Variants in GAL3ST1 observed in about 807,000 individuals in gnomAD.
GAL3ST1 encodes the protein galactosylceramide sulfotransferase.
In GAL3ST1, 13 loss-of-function variants were observed where a neutral mutation model predicts 25.0. The observed-to-expected ratio is 0.52, with a 90% CI of 0.34 to 0.83. The LOEUF (loss-of-function observed/expected upper bound fraction) is 0.83, where lower values mean the gene tolerates loss of function less well. Ranked by LOEUF, GAL3ST1 falls within the 40% of genes least tolerant of loss-of-function variation. The probability of loss-of-function intolerance (pLI) is 0.02; values close to 1 mark genes in which losing one functional copy is unlikely to be tolerated. For missense variants in GAL3ST1, 474 were observed against 613.6 expected (o/e 0.77, Z 2.40); for synonymous variants, 274 against 277.8 (o/e 0.99, Z 0.14).
At chr22:30,562,883 G>A (rs369887242) in intron 1 of GAL3ST1, among the ~76,000 whole-genome samples, 6 of 152,328 alleles carry the variant, frequency 3.9e-5, no homozygotes, top group Admixed American at 6.5e-5. Flanking sequence ...TTGGGAGGCC[G>A]AGACAGGCAG....
At position 30,574,492 on chromosome 22, in the gene GAL3ST1, C is replaced by T. The variant is rs968669062; in HGVS notation, c.-146G>A. The T allele has an allele frequency of 6.6e-6, 1 of 150,806 alleles. No individual in the cohort carries two copies. Among genetic ancestry groups the T allele is most frequent in the Non-Finnish European group, 1.5e-5 (1 of 67,616 alleles). 9.3% of individuals were successfully genotyped at this position (150,806 alleles called of 1,614,324 possible). A position where few individuals can be genotyped will look rare whatever the true frequency, so the allele number is the denominator to read the frequency against. On this transcript the variant is annotated 5_prime_UTR_variant, in exon 1 of 4. Coordinates refer to ENST00000406361, the MANE Select transcript of GAL3ST1 (RefSeq NM_001318104.2). ...TTGTCCCCGTCCTCCTCCGCCTCAG[C>T]GTGGCTGGCTCGGCCCGGGCCGCGC...
At chr22:30,561,444 C>A (rs371496910) in intron 1 of GAL3ST1, among the ~76,000 whole-genome samples, 144 of 152,364 alleles carry the variant, frequency 9.5e-4, no homozygotes, top group African/African-American at 3.3e-3. Flanking sequence ...CACCCCCCAC[C>A]CTGCTGTCAC....
chr22:30,559,294 G>C (rs1429149325), intron 1 of GAL3ST1, among the ~76,000 whole-genome samples: 2 of 152,110 alleles, frequency 1.3e-5, no homozygotes, highest in African/African-American at 2.4e-5. Context: ...AGGCTGGAGT[G>C]CTGTGGCGCA....
rs776670722 is a variant in GAL3ST1, at chr22:30,555,375, A to T, written c.850T>A (p.Ser284Thr). ...TCCCCCGAGAGCCGCGGCACGGGCGAGTCGCGGCGGGCGTTGAGCTTGAAG... is the reference window on the plus strand; with the variant it reads ...TCCCCCGAGAGCCGCGGCACGGGCGTGTCGCGGCGGGCGTTGAGCTTGAAG... ...LYFKLNARRD[S>T]PVPRLSGELY... Residue 284 changes from serine (S) to threonine (T), a missense_variant, in exon 4 of 4, where the codon TCG (serine) becomes ACG (threonine). By Grantham distance (58) the Ser-to-Thr change is moderately conservative. Transcript: ENST00000406361. This position sits in a 1 kb window ranked among gnomAD's most constrained non-coding sequence, Gnocchi z 8.6. The T allele has an allele frequency of 6.2e-7, 1 of 1,608,358 alleles. No homozygotes were observed. Among genetic ancestry groups the T allele is most frequent in the South Asian group, 1.1e-5 (1 of 91,064 alleles).
In GAL3ST1 at chr22:30,555,721, G is replaced by C. The variant is rs1231757569; in HGVS notation, c.504C>G (p.Arg168=). The stretch of plus-strand genomic sequence containing the variant: ...AGTAGTGGAAGGAGGACTCGAACAA[G>C]CGGGCGGGGTCGCGGAGCACCGTGA... The part of the protein sequence containing the change: ...IFITVLRDPA[R]LFESSFHYFG... Residue 168 remains arginine, a synonymous_variant, in exon 4 of 4, where the codon CGC becomes CGG. Coordinates refer to ENST00000406361, the MANE Select transcript of GAL3ST1 (RefSeq NM_001318104.2). The surrounding 1 kb of genome is among the most constrained non-coding windows in gnomAD (Gnocchi z 8.6). 4 of 1,614,048 alleles carry C rather than the reference G, an allele frequency of 2.5e-6. No homozygotes were observed. The highest frequency in any genetic ancestry group is 3.4e-6 in the Non-Finnish European group (4 of 1,180,042).
chr22:30,570,577 A>C, intron 1 of GAL3ST1, among the ~76,000 whole-genome samples: 1 of 152,172 alleles, frequency 6.6e-6, no homozygotes, highest in Non-Finnish European at 1.5e-5. Context: ...CGGGTGGATC[A>C]CCTGAGGTCG....
chr22:30,559,107 A>G (rs5994319), intron 1 of GAL3ST1, among the ~76,000 whole-genome samples: 17,041 of 152,010 alleles, frequency 0.11, 962 homozygotes, highest in Middle Eastern at 0.17. Context: ...GCAGTGAGCC[A>G]AGATGGTGCC....
chr22:30,574,099 G>C (rs2086843597), intron 1 of GAL3ST1, among the ~76,000 whole-genome samples: 1 of 152,142 alleles, frequency 6.6e-6, no homozygotes, highest in Non-Finnish European at 1.5e-5. Flanking sequence ...CTCCCCTAGG[G>C]CTCTGGCCAC....
intron 3 of GAL3ST1, 51 bp downstream of exon 3, chr22:30,557,211 T>A: frequency 6.3e-7 from 1 of 1,590,162 alleles, no homozygotes; most frequent in African/African-American, 1.3e-5. Context: ...ATGGGTGGGG[T>A]GCCATCCCTC....
intron 1 of GAL3ST1, chr22:30,564,767 C>T (rs5994320): frequency 1.3e-5 from 2 of 152,170 alleles, no homozygotes; most frequent in African/African-American, 4.8e-5. Context: ...CCAGTCAGGT[C>T]TCAGGGTATC....
chr22:30,568,255 G>A (rs1023296167), intron 1 of GAL3ST1, among the ~76,000 whole-genome samples: 2 of 152,226 alleles, frequency 1.3e-5, no homozygotes, highest in East Asian at 1.9e-4. Context: ...AAGCTGTTGT[G>A]TGGTCTCCAA....
Position 30,555,774 on chromosome 22 carries a change from C to A in GAL3ST1, c.451G>T (p.Gly151Cys). 2.5e-6 allele frequency: 4 copies of A among 1,614,124 alleles called. No homozygotes were observed. In the South Asian group the frequency reaches 4.4e-5, roughly 18 times the overall value. Residue 151 changes from glycine to cysteine, a missense_variant, in exon 4 of 4, where the codon GGC becomes TGC. Gly to Cys is a radical substitution (Grantham distance 159, BLOSUM62 -3). Coordinates refer to ENST00000406361, the MANE Select transcript of GAL3ST1 (RefSeq NM_001318104.2). The surrounding 1 kb of genome is among the most constrained non-coding windows in gnomAD (Gnocchi z 8.6). Reference sequence around the variant, plus strand: ...AAGATGGCGTTGGTCGGCACCAGGCCGCGCACCTCGTCGTAGTGGAAGCGC... The same window carrying A: ...AAGATGGCGTTGGTCGGCACCAGGCAGCGCACCTCGTCGTAGTGGAAGCGC... ...HMRFHYDEVR[G>C]LVPTNAIFIT...
At chr22:30,559,906 C>T (rs2086283258) in intron 1 of GAL3ST1, among the ~76,000 whole-genome samples, 2 of 152,354 alleles carry the variant, frequency 1.3e-5, no homozygotes, top group Admixed American at 6.5e-5. Context: ...CTGCACTGCG[C>T]CCTGGGCCCC....
intron 1 of GAL3ST1, among the ~76,000 whole-genome samples, chr22:30,567,760 T>C (rs1328345050): frequency 2.0e-5 from 3 of 152,138 alleles, no homozygotes; most frequent in African/African-American, 7.2e-5. Flanking sequence ...CTCGGCCCAC[T>C]GCAACCTCTG....
chr22:30,560,676 G>C (rs912464373), intron 1 of GAL3ST1: 1 of 152,072 alleles, frequency 6.6e-6, no homozygotes, highest in African/African-American at 2.4e-5. Context: ...GGAGGGATTA[G>C]GATTCCTGTG....
Position 30,555,958 on chromosome 22 carries a change from G to A in GAL3ST1, c.267C>T (p.Ser89=), listed in dbSNP as rs533898488. 2.0e-5 allele frequency: 33 copies of A among 1,614,006 alleles called. No homozygotes were observed. The highest frequency in any genetic ancestry group is 5.9e-6 in the Non-Finnish European group (7 of 1,180,008). The part of the protein sequence containing the change: ...VFLKTHKTAS[S]TLLNILFRFG... ...AGCGGAACAGGATGTTGAGCAGGGT[G>A]CTGCTGGCCGTCTTGTGCGTCTTCA... Residue 89 remains serine, a synonymous_variant, in exon 4 of 4, where the codon AGC becomes AGT. Transcript: ENST00000406361. This position sits in a 1 kb window ranked among gnomAD's most constrained non-coding sequence, Gnocchi z 8.6.
intron 1 of GAL3ST1, chr22:30,563,418 C>G (rs1307736850): frequency 6.6e-6 from 1 of 152,026 alleles, no homozygotes. Context: ...GAGTTTGAGG[C>G]CAGCCTGACC....
chr22:30,555,436 C>T lies in GAL3ST1; in HGVS notation c.789G>A (p.Lys263=). 6.2e-7 allele frequency: 1 copy of T among 1,612,288 alleles called. No individual in the cohort carries two copies. The highest frequency in any genetic ancestry group is 2.2e-5 in the East Asian group (1 of 44,884). Residue 263 remains lysine, a synonymous_variant, in exon 4 of 4, where the codon AAG becomes AAA. Coordinates refer to ENST00000406361, the MANE Select transcript of GAL3ST1 (RefSeq NM_001318104.2). This position sits in a 1 kb window ranked among gnomAD's most constrained non-coding sequence, Gnocchi z 8.6. ...CCTCCAGCTCCCAGCACAGCAGGTCCTTCAGCAGCACCAGCGACTCGTCGA... is the reference window on the plus strand; with the variant it reads ...CCTCCAGCTCCCAGCACAGCAGGTCTTTCAGCAGCACCAGCGACTCGTCGA... The part of the protein sequence containing the change: ...EYFDESLVLL[K]DLLCWELEDV...
At position 30,555,997 on chromosome 22, in the gene GAL3ST1, G is replaced by A. The variant is rs199784323; in HGVS notation, c.228C>T (p.Arg76=). The change falls in exon 4 of 4, where the codon CGC becomes CGT. Residue 76 remains arginine (R), a synonymous_variant. Coordinates refer to ENST00000406361, the MANE Select transcript of GAL3ST1 (RefSeq NM_001318104.2). This position sits in a 1 kb window ranked among gnomAD's most constrained non-coding sequence, Gnocchi z 8.6. The part of the protein sequence containing the change: ...NGSAGECQPR[R]NIVFLKTHKT... ...TGTGCGTCTTCAAGAACACGATGTT[G>A]CGCCGCGGCTGGCACTCCCCCGCCG... 6.2e-7 allele frequency: 1 copy of A among 1,612,512 alleles called. No homozygotes were observed. The highest frequency in any genetic ancestry group is 8.5e-7 in the Non-Finnish European group (1 of 1,179,968).
Sources: gnomAD v4.1 joint callset for allele counts (sites outside exome capture counted in the v4.1 genomes callset) on GRCh38, gnomAD v4.1.1 for gene constraint, Gnocchi (gnomAD v3.1) non-coding constraint, MANE v1.5 for transcripts, NCBI Gene and HGNC (gene_info 2026-07-23, HGNC 2026-07-21) for gene names.